The following ADCY2 variants were observed in gnomAD, a reference collection of about 807,000 sequenced individuals.
ADCY2 encodes the protein adenylate cyclase type 2.
ADCY2 carries 31 observed loss-of-function variants against 125.2 expected under a neutral mutation model. The ratio of observed to expected loss-of-function variants is 0.25; its 90% CI spans 0.19 to 0.33. The LOEUF (loss-of-function observed/expected upper bound fraction) is 0.33. Among genes scored for constraint, ADCY2 ranks in the 10% least tolerant of loss-of-function variants. ADCY2 has a pLI of 1.00. For missense variants in ADCY2, 904 were observed against 1,418.2 expected (o/e 0.64, Z 5.82); for synonymous variants, 512 against 548.4 (o/e 0.93, Z 0.93).
intron 2 of ADCY2, among the ~76,000 whole-genome samples, chr5:7,457,516 G>A (rs1741728983): frequency 1.3e-5 from 2 of 152,130 alleles, no homozygotes; most frequent in Non-Finnish European, 2.9e-5. Context: ...TGCTCCTTCT[G>A]TCCTTTTCTG....
At chr5:7,619,772 T>G (rs1346838659) in intron 3 of ADCY2, among the ~76,000 whole-genome samples, 1 of 152,156 alleles carries the variant, frequency 6.6e-6, no homozygotes, top group African/African-American at 2.4e-5. Flanking sequence ...TCTTCATGGC[T>G]TGTGTTGTTT....
At chr5:7,516,577 G>A (rs1165031175) in intron 2 of ADCY2, among the ~76,000 whole-genome samples, 1 of 152,186 alleles carries the variant, frequency 6.6e-6, no homozygotes, top group Non-Finnish European at 1.5e-5. Flanking sequence ...AAGAGGACAT[G>A]GCTAACAGTG....
rs200439471 is a variant in ADCY2, at chr5:7,695,770, C to T, written c.888C>T (p.Ile296=). Residue 296 remains isoleucine, a synonymous_variant, in exon 6 of 25, where the codon ATC becomes ATT. Coordinates refer to ENST00000338316, the MANE Select transcript of ADCY2 (RefSeq NM_020546.3). ...CCCACAGCATCTTATACGCTGACAT[C>T]GTTGGCTTTACCCGGCTGGCAAGTG... ...HTNVSILYAD[I]VGFTRLASDC... is the part of the protein sequence containing the mutation. 2.1e-4 allele frequency: 346 copies of T among 1,612,116 alleles called. No individual in the cohort carries two copies. Among genetic ancestry groups the T allele is most frequent in the Non-Finnish European group, 2.8e-4 (333 of 1,178,890 alleles).
chr5:7,505,689 G>A (rs1743786384), intron 2 of ADCY2, among the ~76,000 whole-genome samples: 1 of 152,184 alleles, frequency 6.6e-6, no homozygotes, highest in South Asian at 2.1e-4. Flanking sequence ...TTAGAACTTG[G>A]AGGGTCTTAT....
chr5:7,695,471 A>G (rs994891360), intron 5 of ADCY2, among the ~76,000 whole-genome samples: 1 of 152,182 alleles, frequency 6.6e-6, no homozygotes, highest in Non-Finnish European at 1.5e-5. Context: ...TAAAAAGAGG[A>G]TTATTTTTCC....
chr5:7,590,784 A>C (rs747130283), intron 3 of ADCY2, among the ~76,000 whole-genome samples: 1 of 152,196 alleles, frequency 6.6e-6, no homozygotes, highest in Non-Finnish European at 1.5e-5. Flanking sequence ...TATGTGTAAT[A>C]TATAGAGAAA....
intron 3 of ADCY2, among the ~76,000 whole-genome samples, chr5:7,525,257 T>A (rs1032017753): frequency 1.3e-5 from 2 of 152,218 alleles, no homozygotes; most frequent in Non-Finnish European, 2.9e-5. Flanking sequence ...TCCGCCAGCC[T>A]TGGCCTTCCA....
intron 4 of ADCY2, among the ~76,000 whole-genome samples, chr5:7,686,980 C>T (rs945347067): frequency 6.6e-6 from 1 of 152,164 alleles, no homozygotes; most frequent in Non-Finnish European, 1.5e-5. Context: ...GAGCTGTCAC[C>T]AGGTGCAGTG....
intron 13 of ADCY2, among the ~76,000 whole-genome samples, chr5:7,726,363 A>T (rs1309520997): frequency 3.9e-5 from 6 of 152,300 alleles, no homozygotes. Flanking sequence ...TTCATCCAAA[A>T]ATAGGGGCTG....
chr5:7,745,201 C>T (rs936750701), intron 15 of ADCY2, among the ~76,000 whole-genome samples: 13 of 152,230 alleles, frequency 8.5e-5, no homozygotes, highest in South Asian at 2.1e-4. Flanking sequence ...CTGACCCCCA[C>T]GCTGTCCATT....
intron 4 of ADCY2, among the ~76,000 whole-genome samples, chr5:7,674,039 G>A (rs756988487): frequency 1.4e-4 from 21 of 150,210 alleles, no homozygotes; most frequent in South Asian, 4.3e-4. Context: ...GGGTTTAGCC[G>A]CCCGCTGGCA....
chr5:7,553,631 C>T (rs766278775), intron 3 of ADCY2, among the ~76,000 whole-genome samples: 3 of 152,200 alleles, frequency 2.0e-5, no homozygotes, highest in Non-Finnish European at 4.4e-5. Flanking sequence ...CAAGACCCTG[C>T]AGACAAGCAT....
intron 3 of ADCY2, among the ~76,000 whole-genome samples, chr5:7,607,553 G>T (rs575381934): frequency 1.3e-5 from 2 of 152,214 alleles, no homozygotes; most frequent in Admixed American, 6.5e-5. Context: ...GAGCTCTCAC[G>T]AGTAAAGCAC....
chr5:7,456,916 A>G (rs1741693721), intron 2 of ADCY2, among the ~76,000 whole-genome samples: 2 of 152,192 alleles, frequency 1.3e-5, no homozygotes, highest in Admixed American at 6.5e-5. Flanking sequence ...TTTTATTCTC[A>G]TTCCGCTTGT....
intron 14 of ADCY2, among the ~76,000 whole-genome samples, chr5:7,733,317 G>A (rs1036792520): frequency 5.9e-5 from 9 of 152,162 alleles, no homozygotes; most frequent in Non-Finnish European, 1.2e-4. Context: ...GTGGTAAAAC[G>A]TGTTCAAATC....
rs191999657 is a variant in ADCY2, at chr5:7,617,930, C to T, written c.571-8237C>T. ...TGTAATAGAAAAGTTTTTGTTCTCCCCTTCCCAAATGGTTTCAGTGATGCA... is the reference window on the plus strand; with the variant it reads ...TGTAATAGAAAAGTTTTTGTTCTCCTCTTCCCAAATGGTTTCAGTGATGCA... On this transcript the variant is annotated intron_variant, in intron 3 of 24. Transcript: ENST00000338316. Among the ~76,000 whole-genome samples, 487 of 152,248 alleles carry T rather than the reference C, an allele frequency of 3.2e-3. 1 individual carries two copies. Among genetic ancestry groups the T allele is most frequent in the African/African-American group, 0.011 (471 of 41,564 alleles).
At chr5:7,809,698 C>A (rs1459345844) in intron 22 of ADCY2, among the ~76,000 whole-genome samples, 1 of 152,214 alleles carries the variant, frequency 6.6e-6, no homozygotes, top group East Asian at 1.9e-4. Flanking sequence ...GCAGTAACAA[C>A]ATACTTACCC....
intron 15 of ADCY2, among the ~76,000 whole-genome samples, chr5:7,755,076 T>C (rs899768662): frequency 5.9e-5 from 9 of 152,192 alleles, no homozygotes; most frequent in African/African-American, 1.9e-4. Flanking sequence ...ATGACAGATT[T>C]CCTGCCATCA....
chr5:7,512,523 G>A (rs1471025851), intron 2 of ADCY2, among the ~76,000 whole-genome samples: 5 of 152,100 alleles, frequency 3.3e-5, no homozygotes, highest in African/African-American at 1.2e-4. Context: ...GGGATTAGGG[G>A]TTTTATTAAA....
Sources: gnomAD v4.1 joint callset for allele counts (sites outside exome capture counted in the v4.1 genomes callset) on GRCh38, gnomAD v4.1.1 for gene constraint, MANE v1.5 for transcripts, NCBI Gene and HGNC (gene_info 2026-07-23, HGNC 2026-07-21) for gene names.